CSMD1: variants seen among roughly 807,000 people sequenced by gnomAD.
The protein encoded by CSMD1 is CUB and Sushi multiple domains 1, also known as CUB and sushi domain-containing protein 1.
A neutral mutation model predicts 417.5 loss-of-function variants in CSMD1; 213 were observed. The ratio of observed to expected loss-of-function variants is 0.51; its 90% confidence interval spans 0.46 to 0.57. The LOEUF (loss-of-function observed/expected upper bound fraction) is 0.57, where lower values mean the gene tolerates loss of function less well. CSMD1 is among the 20% of genes least tolerant of loss of function. The probability of loss-of-function intolerance (pLI) is 0.00; values close to 1 mark genes in which losing one functional copy is unlikely to be tolerated. For synonymous variants in CSMD1, 2,862 were observed against 1,736.8 expected (o/e 1.65, Z -16.11); for missense variants, 6,923 against 4,529.7 (o/e 1.53, Z -15.17).
intron 3 of CSMD1, among the ~76,000 whole-genome samples, chr8:4,406,569 A>C (rs1236069243): frequency 6.6e-6 from 1 of 152,162 alleles, no homozygotes; most frequent in Non-Finnish European, 1.5e-5. Flanking sequence ...TTCTGTAGGC[A>C]TATGAGCTTC....
intron 12 of CSMD1, among the ~76,000 whole-genome samples, chr8:3,449,941 G>C (rs979584722): frequency 6.6e-6 from 1 of 152,174 alleles, no homozygotes; most frequent in African/African-American, 2.4e-5. Flanking sequence ...CCAGTCTTAA[G>C]ACTCACACAG....
chr8:4,583,818 A>T (rs1197837937), intron 2 of CSMD1, among the ~76,000 whole-genome samples: 1 of 152,184 alleles, frequency 6.6e-6, no homozygotes, highest in Non-Finnish European at 1.5e-5. Flanking sequence ...CCCAGCCAGC[A>T]GTGGCAACCC....
chr8:4,580,416 T>C (rs1349358034), intron 2 of CSMD1, among the ~76,000 whole-genome samples: 1 of 152,194 alleles, frequency 6.6e-6, no homozygotes, highest in Non-Finnish European at 1.5e-5. Context: ...CAAATAATGA[T>C]ATTAAAAGCA....
At chr8:3,697,515 G>A (rs79751326) in intron 7 of CSMD1, among the ~76,000 whole-genome samples, 2,951 of 152,192 alleles carry the variant, frequency 0.019, 86 homozygotes, top group African/African-American at 0.064. Flanking sequence ...AAGCTTCATT[G>A]ATTAGTTTTT....
At chr8:3,456,407 C>A (rs754530221) in intron 12 of CSMD1, among the ~76,000 whole-genome samples, 1 of 152,162 alleles carries the variant, frequency 6.6e-6, no homozygotes, top group Non-Finnish European at 1.5e-5. Flanking sequence ...GAGCTGTAGA[C>A]TGGAGCTGTT....
chr8:3,873,273 A>G (rs556396481), intron 5 of CSMD1, among the ~76,000 whole-genome samples: 15 of 152,316 alleles, frequency 9.8e-5, no homozygotes, highest in Admixed American at 8.5e-4. Flanking sequence ...CTGCAGCTCT[A>G]TTCACAATAG....
chr8:3,349,823 AAT>A (rs926748029), intron 21 of CSMD1, among the ~76,000 whole-genome samples: 9 of 143,244 alleles, frequency 6.3e-5, no homozygotes, highest in African/African-American at 2.0e-4. Context: ...ATACATATAA[AAT>A]ATATATAATA....
intron 3 of CSMD1, among the ~76,000 whole-genome samples, chr8:4,410,510 G>T (rs1199608447): frequency 6.6e-6 from 1 of 152,144 alleles, no homozygotes; most frequent in African/African-American, 2.4e-5. Context: ...TACTGTATAA[G>T]AGAGACAGAA....
At chr8:3,833,567 C>G (rs1802493526) in intron 5 of CSMD1, among the ~76,000 whole-genome samples, 1 of 151,898 alleles carries the variant, frequency 6.6e-6, no homozygotes, top group Non-Finnish European at 1.5e-5. Context: ...TGGTAATCAA[C>G]TTTTTTGTTT....
At chr8:4,112,498 C>G (rs1182067013) in intron 3 of CSMD1, among the ~76,000 whole-genome samples, 1 of 152,182 alleles carries the variant, frequency 6.6e-6, no homozygotes, top group African/African-American at 2.4e-5. Flanking sequence ...GTGACCCATC[C>G]TGAATACAGG....
chr8:4,994,308 C>G lies in CSMD1; in HGVS notation c.85+24G>C, dbSNP rs759962668. On this transcript the variant is annotated intron_variant, in intron 1 of 69. Coordinates refer to ENST00000635120, the MANE Select transcript of CSMD1 (RefSeq NM_033225.6). Reference sequence around the variant, plus strand: ...GCCTCCGAGGGCTCTACCGCCTCCCCGGCCAGGAGCAAGTCCGTCTTACCC... The same window carrying G: ...GCCTCCGAGGGCTCTACCGCCTCCCGGGCCAGGAGCAAGTCCGTCTTACCC... 1.1e-5 allele frequency: 18 copies of G among 1,603,512 alleles called. No individual in the cohort carries two copies. The South Asian group carries it at 1.2e-4, about 11-fold the overall frequency.
intron 6 of CSMD1, among the ~76,000 whole-genome samples, chr8:3,723,089 C>T (rs747458433): frequency 6.6e-6 from 1 of 152,128 alleles, no homozygotes; most frequent in Non-Finnish European, 1.5e-5. Context: ...AGGAAGAATC[C>T]TTTTTGACAT....
chr8:3,163,540 C>T (rs2129040912), intron 37 of CSMD1, among the ~76,000 whole-genome samples: 1 of 152,144 alleles, frequency 6.6e-6, no homozygotes, highest in East Asian at 1.9e-4. Context: ...GGGCTCTGCC[C>T]TGAAGCCAGT....
At chr8:3,645,843 C>T (rs1797546782) in intron 7 of CSMD1, among the ~76,000 whole-genome samples, 3 of 152,128 alleles carry the variant, frequency 2.0e-5, no homozygotes, top group South Asian at 4.1e-4. Context: ...AGAATCACTC[C>T]ATTGTTTAAA....
At chr8:4,127,235 C>T (rs555124003) in intron 3 of CSMD1, among the ~76,000 whole-genome samples, 1 of 152,162 alleles carries the variant, frequency 6.6e-6, no homozygotes, top group African/African-American at 2.4e-5. Flanking sequence ...CATGGCCTTA[C>T]GGAAAGCTTC....
chr8:4,407,405 T>TA (rs1461679908), intron 3 of CSMD1, among the ~76,000 whole-genome samples: 2 of 152,236 alleles, frequency 1.3e-5, no homozygotes, highest in Non-Finnish European at 2.9e-5. Context: ...AACTTGTGTT[T>TA]AGGTTGCTGC....
At chr8:4,083,965 A>AG (rs1482512052) in intron 3 of CSMD1, among the ~76,000 whole-genome samples, 1 of 152,226 alleles carries the variant, frequency 6.6e-6, no homozygotes, top group East Asian at 1.9e-4. Context: ...GCTAATATCC[A>AG]GAATCTACAA....
Position 3,367,123 on chromosome 8 carries a change from G to A in CSMD1, c.3024C>T (p.Ile1008=), listed in dbSNP as rs1809632569. ...TGAAGTTTCCAAACAGGCCTGCCTT[G>A]ATCGTATGAGGCAACACCGACCCGG... The part of the protein sequence containing the change: ...RLTGSVLPHT[I]KAGLFGNFTA... The change falls in exon 20 of 70, where the codon ATC becomes ATT. Residue 1008 remains isoleucine, a synonymous_variant. Transcript: ENST00000635120. 1.9e-6 allele frequency: 3 copies of A among 1,613,600 alleles called. No homozygotes were observed. Among genetic ancestry groups the A allele is most frequent in the Non-Finnish European group, 2.5e-6 (3 of 1,179,788 alleles).
At chr8:4,655,595 T>C (rs1229836150) in intron 1 of CSMD1, among the ~76,000 whole-genome samples, 2 of 152,118 alleles carry the variant, frequency 1.3e-5, no homozygotes, top group Non-Finnish European at 2.9e-5. Context: ...AAAAAACTTC[T>C]GTGTAAGTAA....
Sources: gnomAD v4.1 joint callset for allele counts (sites outside exome capture counted in the v4.1 genomes callset) on GRCh38, gnomAD v4.1.1 for gene constraint, MANE v1.5 for transcripts, NCBI Gene and HGNC (gene_info 2026-07-23, HGNC 2026-07-21) for gene names.